The following CHN2 variants were observed in gnomAD, a reference collection of about 807,000 sequenced individuals.
CHN2 encodes the protein beta-chimaerin.
Under a neutral mutation model 56.3 loss-of-function variants are expected in CHN2, and 35 were observed. That is an observed-to-expected ratio of 0.62 (90% CI 0.47 to 0.82). The LOEUF (loss-of-function observed/expected upper bound fraction) is 0.82, where lower values mean the gene tolerates loss of function less well. CHN2 is among the 40% of genes least tolerant of loss of function. CHN2 has a pLI of 0.00. For synonymous variants in CHN2, 210 were observed against 212.8 expected (o/e 0.99, Z 0.12); for missense variants, 491 against 580.5 (o/e 0.85, Z 1.58).
At chr7:29,157,983 G>A (rs1283970983) in intron 2 of CHN2, among the ~76,000 whole-genome samples, 2 of 152,092 alleles carry the variant, frequency 1.3e-5, no homozygotes, top group East Asian at 3.8e-4. Context: ...TTTGAAAATG[G>A]TTCCAAAGAG....
intron 1 of CHN2, among the ~76,000 whole-genome samples, chr7:29,230,141 T>C (rs562755535): frequency 1.3e-5 from 2 of 152,274 alleles, no homozygotes; most frequent in African/African-American, 4.8e-5. Flanking sequence ...TCTGGCCCTT[T>C]AGAGAAAAAA....
chr7:29,284,070 C>A (rs12531033), intron 1 of CHN2, among the ~76,000 whole-genome samples: 28,263 of 151,146 alleles, frequency 0.19, 2,798 homozygotes, highest in East Asian at 0.33. Context: ...TGCGTCACCA[C>A]GCCTAGCTAA....
chr7:29,173,877 GGGAGGT>G (rs1158371617), intron 2 of CHN2, among the ~76,000 whole-genome samples: 6 of 151,460 alleles, frequency 4.0e-5, no homozygotes, highest in Admixed American at 3.9e-4. Context: ...ACTTGGACCT[GGGAGGT>G]GGAGGCTGCA....
At chr7:29,188,818 T>A (rs1799032019) in intron 2 of CHN2, among the ~76,000 whole-genome samples, 1 of 152,208 alleles carries the variant, frequency 6.6e-6, no homozygotes, top group Non-Finnish European at 1.5e-5. Flanking sequence ...ATAATAGCTA[T>A]AATTCCCAAA....
At chr7:29,322,530 T>C (rs1369438314) in intron 1 of CHN2, among the ~76,000 whole-genome samples, 1 of 152,118 alleles carries the variant, frequency 6.6e-6, no homozygotes, top group Non-Finnish European at 1.5e-5. Context: ...ATTGTGAAGA[T>C]AAAAAGCAAT....
chr7:29,435,599 A>C (rs1783159252), intron 6 of CHN2, among the ~76,000 whole-genome samples: 1 of 152,174 alleles, frequency 6.6e-6, no homozygotes, highest in South Asian at 2.1e-4. Flanking sequence ...GTGTATCTAA[A>C]TATATCTAGA....
chr7:29,458,459 G>GCC, intron 6 of CHN2, among the ~76,000 whole-genome samples: 1 of 151,626 alleles, frequency 6.6e-6, no homozygotes, highest in African/African-American at 2.4e-5. Flanking sequence ...AATGTTAGCT[G>GCC]CCCTACCTCT....
intron 2 of CHN2, among the ~76,000 whole-genome samples, chr7:29,188,663 C>T (rs891335370): frequency 6.6e-6 from 1 of 152,024 alleles, no homozygotes; most frequent in Non-Finnish European, 1.5e-5. Flanking sequence ...ACAGGATCTG[C>T]TCGGTTCCCT....
At chr7:29,490,857 C>A (rs1420134) in intron 7 of CHN2, among the ~76,000 whole-genome samples, 2 of 152,066 alleles carry the variant, frequency 1.3e-5, no homozygotes, top group Non-Finnish European at 2.9e-5. Flanking sequence ...TCAATTGATA[C>A]GAATATTCCA....
At chr7:29,482,303 T>C (rs1340082230) in intron 7 of CHN2, among the ~76,000 whole-genome samples, 2 of 152,206 alleles carry the variant, frequency 1.3e-5, no homozygotes, top group Non-Finnish European at 2.9e-5. Context: ...GCTGTGACAG[T>C]TGATTGTGGC....
At chr7:29,422,392 C>T (rs894149485) in intron 6 of CHN2, among the ~76,000 whole-genome samples, 1 of 152,098 alleles carries the variant, frequency 6.6e-6, no homozygotes, top group Admixed American at 6.5e-5. Context: ...TAAGGTAGTT[C>T]CAGAGTCATG....
In CHN2 at chr7:29,235,454, C is replaced by T. The variant is rs184446291; in HGVS notation, c.49+40464C>T. Reference sequence around the variant, plus strand: ...ATGGGAGTGTAAATGAGTTCAACTACTGTGGAAAGCACTTTGAAGATTTCT... The same window carrying T: ...ATGGGAGTGTAAATGAGTTCAACTATTGTGGAAAGCACTTTGAAGATTTCT... On this transcript the variant is annotated intron_variant, in intron 1 of 12. Coordinates refer to ENST00000222792, the MANE Select transcript of CHN2 (RefSeq NM_004067.4). Among the ~76,000 whole-genome samples the T allele has an allele frequency of 1.8e-3, 280 of 152,290 alleles. 1 individual carries two copies. The highest frequency in any genetic ancestry group is 2.9e-3 in the Non-Finnish European group (194 of 68,026).
chr7:29,418,602 C>T (rs1257438517), intron 6 of CHN2, among the ~76,000 whole-genome samples: 1 of 152,182 alleles, frequency 6.6e-6, no homozygotes, highest in Non-Finnish European at 1.5e-5. Context: ...CTGGGCTTAG[C>T]GAAAGCATAC....
intron 2 of CHN2, among the ~76,000 whole-genome samples, chr7:29,365,881 G>C (rs1223899782): frequency 6.6e-6 from 1 of 152,186 alleles, no homozygotes; most frequent in Non-Finnish European, 1.5e-5. Context: ...CTGCAGGGTG[G>C]GAAGAGTCCA....
At chr7:29,364,681 C>G (rs1277803860) in intron 2 of CHN2, among the ~76,000 whole-genome samples, 1 of 152,232 alleles carries the variant, frequency 6.6e-6, no homozygotes, top group Non-Finnish European at 1.5e-5. Flanking sequence ...ACAACTGTTT[C>G]TCTGTCTTTG....
intron 3 of CHN2, among the ~76,000 whole-genome samples, chr7:29,369,352 G>A (rs1173517590): frequency 6.6e-6 from 1 of 152,132 alleles, no homozygotes; most frequent in African/African-American, 2.4e-5. Flanking sequence ...CACTGGGCAA[G>A]ATCAGGCACC....
chr7:29,151,543 GTGAAACTT>G (rs1318848014), intron 2 of CHN2, among the ~76,000 whole-genome samples: 2 of 152,168 alleles, frequency 1.3e-5, no homozygotes, highest in Non-Finnish European at 2.9e-5. Flanking sequence ...AATAATCATA[GTGAAACTT>G]TGTAAGGATT....
At chr7:29,193,288 A>G (rs900334104), upstream of CHN2, 2 of 152,172 alleles carry the variant, frequency 1.3e-5, no homozygotes, top group African/African-American at 4.8e-5. Context: ...ATCAACTAGA[A>G]AATGTGACGT....
chr7:29,266,596 GC>G (rs1274846723), intron 1 of CHN2, among the ~76,000 whole-genome samples: 4 of 152,120 alleles, frequency 2.6e-5, no homozygotes, highest in African/African-American at 7.2e-5. Context: ...ATGTTAACAG[GC>G]CCCCTATCAT....
Sources: gnomAD v4.1 joint callset for allele counts (sites outside exome capture counted in the v4.1 genomes callset) on GRCh38, gnomAD v4.1.1 for gene constraint, MANE v1.5 for transcripts, NCBI Gene and HGNC (gene_info 2026-07-23, HGNC 2026-07-21) for gene names.